Variants in HERC2 observed in about 807,000 individuals in gnomAD.
HERC2 encodes the protein HECT and RLD domain containing E3 ubiquitin protein ligase 2.
Under a neutral mutation model 537.7 loss-of-function variants are expected in HERC2, and 102 were observed. The ratio of observed to expected loss-of-function variants is 0.19; its 90% CI spans 0.16 to 0.22. HERC2 has a LOEUF of 0.22. HERC2 is among the 10% of genes least tolerant of loss of function. The pLI is 1.00. For missense variants in HERC2, 4,236 were observed against 6,198.2 expected, an observed-to-expected ratio of 0.68 and a Z score of 10.63; for synonymous variants, 2,224 against 2,466.2, an observed-to-expected ratio of 0.90 and a Z score of 2.91.
chr15:28,251,722 G>C (rs6497293), intron 20 of HERC2, among the ~76,000 whole-genome samples: 98,645 of 151,832 alleles, frequency 0.65, 37,302 homozygotes, highest in Non-Finnish European at 0.86. Flanking sequence ...ATCACTTGAA[G>C]CCAAGAGGCA....
rs1009534423 is a variant in HERC2 at position 28,113,639 on chromosome 15, T to C, written c.13953A>G (p.Glu4651=). The part of the protein sequence containing the change: ...EFDEQVAAVR[E]GMARVVPVPL... ...GAACAGGCACAACGCGGGCCATTCC[T>C]TCCCGAACAGCAGCCACCTGCTCAT... Residue 4651 remains glutamate, a synonymous_variant, in exon 91 of 93, where the codon GAA becomes GAG. Transcript: ENST00000261609. This position sits in a 1 kb window ranked among gnomAD's most constrained non-coding sequence, Gnocchi z 7.0. 28 of 1,614,072 alleles carry C rather than the reference T, an allele frequency of 1.7e-5. No individual in the cohort carries two copies. In the East Asian group the frequency reaches 6.2e-4, roughly 36 times the overall value.
At chr15:28,266,019 T>G in intron 12 of HERC2, 45 bp from the exon 13 acceptor site, 2 of 1,593,852 alleles carry the variant, frequency 1.3e-6, no homozygotes, top group Non-Finnish European at 1.7e-6. Context: ...CTTCTTGGTG[T>G]TATTTCTTAT....
chr15:28,229,536 T>C lies in HERC2; in HGVS notation c.5044A>G (p.Asn1682Asp), dbSNP rs1198689942. The change falls in exon 33 of 93, where the codon AAT (asparagine) becomes GAT (aspartate). Residue 1682 changes from asparagine (N) to aspartate (D), a missense_variant. Physicochemically the swap from Asn to Asp is conservative, Grantham distance 23. This residue lies in a region of HERC2 where 343 missense variants were observed against 417.2 expected (regional missense o/e 0.82). Coordinates refer to ENST00000261609, the MANE Select transcript of HERC2 (RefSeq NM_004667.6). ...TACTGCACAGATGGAAGTAAGAAAT[T>C]CTTGCTCGCCAGTTTTAAAATTGTA... is the stretch of plus-strand genomic sequence containing the variant. ...IDTILKLASK[N>D]FLLPSVQYAM... The C allele has an allele frequency of 6.2e-7, 1 of 1,613,858 alleles. No individual in the cohort carries two copies. The highest frequency in any genetic ancestry group is 1.7e-5 in the Admixed American group (1 of 60,008).
rs774193867 is a variant in HERC2, at chr15:28,268,634, C to T, written c.1447-18G>A. The stretch of plus-strand genomic sequence containing the variant: ...TGTGGGGCCTAAAGAAGGAAAAATA[C>T]GAAGAAAAGTAGTCATCAGTCCAAG... On this transcript the variant is annotated intron_variant, in intron 11 of 92. Transcript: ENST00000261609. The surrounding 1 kb of genome is among the most constrained non-coding windows in gnomAD (Gnocchi z 4.7). 2.2e-5 allele frequency: 35 copies of T among 1,607,810 alleles called. No individual in the cohort carries two copies. In the South Asian group the frequency reaches 3.2e-4, roughly 15 times the overall value.
intron 56 of HERC2, among the ~76,000 whole-genome samples, chr15:28,184,046 C>T (rs1896068672): frequency 6.6e-6 from 1 of 151,832 alleles, no homozygotes; most frequent in Non-Finnish European, 1.5e-5. Context: ...AAAAAATTAG[C>T]CAGGTGTGGT....
At position 28,246,798 on chromosome 15, in the gene HERC2, G is replaced by A. The variant is rs1903754669; in HGVS notation, c.3335C>T (p.Ser1112Phe). ...DILPVAASIA[S>F]TSWRHFAEVA... The stretch of plus-strand genomic sequence containing the variant: ...CTCCGCGAAGTGCCGCCAGCTGGTA[G>A]AAGCAATGCTGGCGGCCACAGGCAG... The change falls in exon 22 of 93, where the codon TCT becomes TTT. Residue 1112 changes from serine to phenylalanine, a missense_variant. Physicochemically the swap from Ser to Phe is radical, Grantham distance 155. Coordinates refer to ENST00000261609, the MANE Select transcript of HERC2 (RefSeq NM_004667.6). 1.9e-6 allele frequency: 3 copies of A among 1,609,738 alleles called. No individual in the cohort carries two copies. Among genetic ancestry groups the A allele is most frequent in the African/African-American group, 1.3e-5 (1 of 74,726 alleles).
At chr15:28,136,701 C>T (rs1017284658) in intron 78 of HERC2, among the ~76,000 whole-genome samples, 1 of 152,260 alleles carries the variant, frequency 6.6e-6, no homozygotes, top group Non-Finnish European at 1.5e-5. Flanking sequence ...AACACGGCCA[C>T]ACCCACTCAT....
chr15:28,196,909 CAACAATTCCA>C (rs1243971623), intron 50 of HERC2, among the ~76,000 whole-genome samples: 3 of 152,180 alleles, frequency 2.0e-5, no homozygotes, highest in Non-Finnish European at 4.4e-5. Flanking sequence ...TACACCAAGT[CAACAATTCCA>C]TACAATACCT....
At position 28,144,797 on chromosome 15, in the gene HERC2, C is replaced by T. The variant is rs752627548; in HGVS notation, c.11016G>A (p.Glu3672=). The change falls in exon 72 of 93, where the codon GAG becomes GAA. Residue 3672 remains glutamate, a synonymous_variant. Coordinates refer to ENST00000261609, the MANE Select transcript of HERC2 (RefSeq NM_004667.6). ...NRIVSVRSGR[E]WSDWSSELRI... ...GCAGCTCGCTGGACCAGTCGGACCA[C>T]TCTCGGCCTGCGGGAGGAAAGCGCA... 4.3e-6 allele frequency: 7 copies of T among 1,614,086 alleles called. No homozygotes were observed. Among genetic ancestry groups the T allele is most frequent in the Admixed American group, 1.7e-5 (1 of 60,010 alleles).
At position 28,315,836 on chromosome 15, in the gene HERC2, G is replaced by A. The variant is rs998777143; in HGVS notation, c.72+5526C>T. On this transcript the variant is annotated intron_variant, in intron 2 of 92. Coordinates refer to ENST00000261609, the MANE Select transcript of HERC2 (RefSeq NM_004667.6). ...ACATGGAATGCCAGACGCTGGGGAT[G>A]CTGGTACAAGTTGTGGGACTGCATG... The A allele has an allele frequency of 4.3e-5, 29 of 671,802 alleles. No homozygotes were observed. In the African/African-American group the frequency reaches 4.6e-4, roughly 11 times the overall value. The allele number at this position is 671,802 out of a possible 1,614,324, so 41.6% of individuals were successfully genotyped here. A position where few individuals can be genotyped will look rare whatever the true frequency, so the allele number is the denominator to read the frequency against.
intron 2 of HERC2, among the ~76,000 whole-genome samples, chr15:28,301,273 G>C (rs1409206492): frequency 6.6e-6 from 1 of 152,002 alleles, no homozygotes; most frequent in Non-Finnish European, 1.5e-5. Context: ...AAATTAGCTG[G>C]GCATGGTGGC....
chr15:28,291,835 G>GC (rs1355309394), intron 4 of HERC2, among the ~76,000 whole-genome samples: 1 of 141,458 alleles, frequency 7.1e-6, no homozygotes, highest in African/African-American at 2.6e-5. Flanking sequence ...AACCCGGGAA[G>GC]CGGAGGTTGC....
intron 35 of HERC2, among the ~76,000 whole-genome samples, chr15:28,224,143 ACACACC>A (rs1330651763): frequency 0.012 from 1,427 of 117,740 alleles, 23 homozygotes; most frequent in South Asian, 0.04. Flanking sequence ...ATACACACAC[ACACACC>A]CACACACACA....
At chr15:28,304,861 T>TCCCCC (rs1163438098) in intron 2 of HERC2, among the ~76,000 whole-genome samples, 4 of 38,936 alleles carry the variant, frequency 1.0e-4, no homozygotes, top group African/African-American at 4.5e-4. Flanking sequence ...CCCTCCCCCC[T>TCCCCC]CCCCCCACCC....
At chr15:28,214,397 A>G (rs1343331309) in intron 40 of HERC2, 125 bp from the exon 41 acceptor site, 23 of 976,538 alleles carry the variant, frequency 2.4e-5, no homozygotes, top group Non-Finnish European at 3.4e-5. Context: ...GGGAAGGGAG[A>G]CGGCCATGCA....
intron 5 of HERC2, among the ~76,000 whole-genome samples, chr15:28,277,489 T>C (rs757578315): frequency 2.6e-5 from 4 of 151,544 alleles, no homozygotes; most frequent in Admixed American, 6.6e-5. Context: ...GGGGCTTTTT[T>C]AAAATTTTAG....
chr15:28,266,617 C>G (rs1321637296), intron 12 of HERC2, among the ~76,000 whole-genome samples: 1 of 152,172 alleles, frequency 6.6e-6, no homozygotes. Flanking sequence ...TACACCCAAC[C>G]CAACATGGCT....
chr15:28,187,488 C>T (rs1896424041), intron 55 of HERC2, among the ~76,000 whole-genome samples: 2 of 151,978 alleles, frequency 1.3e-5, no homozygotes, highest in African/African-American at 2.4e-5. Context: ...CTTGCCACCA[C>T]ACCCGGCTAA....
chr15:28,188,114 T>G (rs1427589515), intron 55 of HERC2, among the ~76,000 whole-genome samples: 1 of 151,952 alleles, frequency 6.6e-6, no homozygotes, highest in African/African-American at 2.4e-5. Flanking sequence ...TTTTTTTTCT[T>G]TAGCAAGAAA....
Sources: allele counts gnomAD v4.1 joint callset (sites outside exome capture counted in the v4.1 genomes callset), GRCh38; gene constraint gnomAD v4.1.1; regional missense constraint gnomAD v4.1.1; non-coding constraint Gnocchi (gnomAD v3.1); transcripts MANE v1.5; gene names NCBI Gene and HGNC (gene_info 2026-07-23, HGNC 2026-07-21).